The following TMPRSS9 variants were observed in gnomAD, a reference collection of about 807,000 sequenced individuals.
TMPRSS9 encodes the protein transmembrane protease serine 9.
A neutral mutation model predicts 111.4 loss-of-function variants in TMPRSS9; 113 were observed. That is an observed-to-expected ratio of 1.01 (90% CI 0.87 to 1.19). TMPRSS9 has a LOEUF of 1.19. Among genes scored for constraint, TMPRSS9 ranks in the 50% most tolerant of loss-of-function variants. TMPRSS9 has a pLI of 0.00. For missense variants in TMPRSS9, 1,803 were observed against 1,513.1 expected (o/e 1.19, Z -3.18); for synonymous variants, 805 against 659.1 (o/e 1.22, Z -3.39).
intron 1 of TMPRSS9, among the ~76,000 whole-genome samples, chr19:2,384,599 A>G (rs962171170): frequency 6.6e-5 from 10 of 151,448 alleles, no homozygotes; most frequent in Admixed American, 2.0e-4. Context: ...GAGGATCACG[A>G]GGTCAGGAGA....
At chr19:2,371,381 G>A (rs149402255) in intron 1 of TMPRSS9, among the ~76,000 whole-genome samples, 1,694 of 152,188 alleles carry the variant, frequency 0.011, 38 homozygotes, top group African/African-American at 0.036. Context: ...GATGTCCCAG[G>A]TTCCAGGTTA....
intron 1 of TMPRSS9, among the ~76,000 whole-genome samples, chr19:2,367,654 C>A (rs764836139): frequency 4.0e-5 from 6 of 151,728 alleles, no homozygotes; most frequent in Non-Finnish European, 8.8e-5. Flanking sequence ...AGTTCTGCCT[C>A]CCGGGTTGAC....
intron 2 of TMPRSS9, among the ~76,000 whole-genome samples, chr19:2,398,155 G>C (rs112203660): frequency 1.3e-5 from 2 of 149,620 alleles, no homozygotes; most frequent in Non-Finnish European, 3.0e-5. Context: ...AATTAGCCAC[G>C]CATGGTGGTG....
chr19:2,423,039 A>G (rs1220179440), intron 14 of TMPRSS9, among the ~76,000 whole-genome samples: 1 of 151,280 alleles, frequency 6.6e-6, no homozygotes, highest in Non-Finnish European at 1.5e-5. Flanking sequence ...CCTGGGTGAC[A>G]CAGCCTGTCT....
At chr19:2,366,777 AACCCAGG>A (rs1479731153) in intron 1 of TMPRSS9, among the ~76,000 whole-genome samples, 1 of 148,126 alleles carries the variant, frequency 6.8e-6, no homozygotes, top group Non-Finnish European at 1.5e-5. Flanking sequence ...GAATGGCGTG[AACCCAGG>A]AGGTGGAGCT....
chr19:2,397,835 G>GC (rs1970741960), intron 2 of TMPRSS9, among the ~76,000 whole-genome samples: 1 of 110,146 alleles, frequency 9.1e-6, no homozygotes, highest in South Asian at 2.7e-4. Flanking sequence ...TGGGAGGATT[G>GC]CCTGAGCCCA....
intron 1 of TMPRSS9, among the ~76,000 whole-genome samples, chr19:2,382,023 G>T (rs550891913): frequency 6.0e-5 from 9 of 150,834 alleles, no homozygotes; most frequent in African/African-American, 2.2e-4. Flanking sequence ...TGTATTTTTA[G>T]TAGAGACGGG....
chr19:2,418,131 C>T, exon 13 of TMPRSS9: 1 of 1,611,786 alleles, frequency 6.2e-7, no homozygotes, highest in Non-Finnish European at 8.5e-7. Context: ...AAAGTCGACT[C>T]CTGCCAGGTA....
chr19:2,426,144 CCACCCAA>C, exon 18 of TMPRSS9: 1 of 1,417,486 alleles, frequency 7.1e-7, no homozygotes, highest in South Asian at 1.3e-5. Flanking sequence ...GAGCAGCAGG[CCACCCAA>C]CACCCCACCC....
At chr19:2,392,704 A>C (rs990047334) in intron 1 of TMPRSS9, among the ~76,000 whole-genome samples, 2 of 152,154 alleles carry the variant, frequency 1.3e-5, no homozygotes, top group Non-Finnish European at 2.9e-5. Flanking sequence ...TTTTATGTCT[A>C]ACTAGAGGAT....
chr19:2,411,993 CTTCTATA>C (rs1971105896), intron 9 of TMPRSS9, among the ~76,000 whole-genome samples: 2 of 151,698 alleles, frequency 1.3e-5, no homozygotes, highest in South Asian at 2.1e-4. Flanking sequence ...CGTTATGTTT[CTTCTATA>C]TTCTATATTT....
intron 5 of TMPRSS9, 93 bp downstream of exon 6, chr19:2,402,109 G>T: frequency 7.4e-7 from 1 of 1,356,932 alleles, no homozygotes; most frequent in South Asian, 1.2e-5. Flanking sequence ...TCCCTGGAAC[G>T]AGGCTGGGCG....
upstream of TMPRSS9, among the ~76,000 whole-genome samples, chr19:2,388,601 G>C (rs1300937242): frequency 6.6e-6 from 1 of 152,154 alleles, no homozygotes; most frequent in Non-Finnish European, 1.5e-5. Context: ...TTTCAGAACT[G>C]TGAGATAATC....
chr19:2,423,703 C>G (rs945424422), intron 14 of TMPRSS9, among the ~76,000 whole-genome samples: 3 of 152,086 alleles, frequency 2.0e-5, no homozygotes, highest in East Asian at 3.9e-4. Flanking sequence ...TGGAGGTGAT[C>G]AGGGATCCAG....
intron 14 of TMPRSS9, among the ~76,000 whole-genome samples, chr19:2,422,707 G>A (rs1178945598): frequency 2.0e-5 from 3 of 152,172 alleles, no homozygotes; most frequent in Admixed American, 1.3e-4. Flanking sequence ...CCAACATGGT[G>A]AAACCCCATC....
At chr19:2,420,281 A>C (rs1971433238) in intron 13 of TMPRSS9, among the ~76,000 whole-genome samples, 1 of 152,062 alleles carries the variant, frequency 6.6e-6, no homozygotes, top group Admixed American at 6.6e-5. Flanking sequence ...TCTACTAAAA[A>C]ACTACAAGAA....
At chr19:2,421,667 G>A (rs1449432940) in intron 13 of TMPRSS9, among the ~76,000 whole-genome samples, 187 bp from the exon 15 acceptor site, 4 of 152,146 alleles carry the variant, frequency 2.6e-5, no homozygotes, top group African/African-American at 9.7e-5. Context: ...ACTCAGAGAG[G>A]AGAAGTGACT....
At chr19:2,423,061 A>G (rs906140049) in intron 14 of TMPRSS9, among the ~76,000 whole-genome samples, 16 of 119,456 alleles carry the variant, frequency 1.3e-4, no homozygotes, top group Non-Finnish European at 9.1e-5. Flanking sequence ...TAAAAAAATT[A>G]AAAAAAAAAA....
chr19:2,382,962 C>T (rs1022549423), intron 1 of TMPRSS9, among the ~76,000 whole-genome samples: 40 of 152,344 alleles, frequency 2.6e-4, no homozygotes, highest in African/African-American at 9.1e-4. Flanking sequence ...AGATTTCCTT[C>T]CTCTTGGGGA....
Sources: allele counts gnomAD v4.1 joint callset (sites outside exome capture counted in the v4.1 genomes callset), GRCh38; gene constraint gnomAD v4.1.1; transcripts MANE v1.5; gene names NCBI Gene and HGNC (gene_info 2026-07-23, HGNC 2026-07-21).